Variants in ZNF853 observed in about 807,000 individuals in gnomAD.
ZNF853 encodes the protein zinc finger protein 853.
A neutral mutation model predicts 94.7 loss-of-function variants in ZNF853; 57 were observed. The observed-to-expected ratio is 0.60, with a 90% CI of 0.49 to 0.75. ZNF853 has a LOEUF of 0.75. Ranked by LOEUF, ZNF853 falls within the 30% of genes least tolerant of loss-of-function variation. The pLI is 0.00. For missense variants in ZNF853, 785 were observed against 868.9 expected, an observed-to-expected ratio of 0.90 and a Z score of 1.21; for synonymous variants, 448 against 406.3, an observed-to-expected ratio of 1.10 and a Z score of -1.23.
intron 2 of ZNF853, among the ~76,000 whole-genome samples, chr7:6,619,331 G>C: frequency 6.6e-6 from 1 of 152,032 alleles, no homozygotes; most frequent in Non-Finnish European, 1.5e-5. Flanking sequence ...GAGTGCACTG[G>C]CGTGATCTCA....
In ZNF853 at chr7:6,622,953, C is replaced by T. The variant is rs1782668331; in HGVS notation, c.1962C>T (p.Pro654=). The part of the protein sequence containing the change: ...RAEQAATATA[P]ADKAL ...AGCAGGCCGCTACAGCCACTGCGCCCGCAGACAAGGCGCTGTGAGGGCCGT... is the reference window on the plus strand; with the variant it reads ...AGCAGGCCGCTACAGCCACTGCGCCTGCAGACAAGGCGCTGTGAGGGCCGT... The change falls in exon 3 of 3, where the codon CCC becomes CCT. Residue 654 remains proline (P), a synonymous_variant. Coordinates refer to ENST00000457543, the MANE Select transcript of ZNF853 (RefSeq NM_017560.3). The T allele has an allele frequency of 6.4e-6, 8 of 1,251,996 alleles. No homozygotes were observed. The highest frequency in any genetic ancestry group is 6.7e-5 in the South Asian group (2 of 29,878). 77.6% of individuals were successfully genotyped at this position (1,251,996 alleles called of 1,614,324 possible). A position where few individuals can be genotyped will look rare whatever the true frequency, so the allele number is the denominator to read the frequency against.
At chr7:6,618,913 T>TC in intron 2 of ZNF853, among the ~76,000 whole-genome samples, 3 of 151,722 alleles carry the variant, frequency 2.0e-5, no homozygotes, top group Admixed American at 6.6e-5. Flanking sequence ...ACCATGTGCT[T>TC]CCCCCCAGCC....
At chr7:6,617,491 TG>T in intron 2 of ZNF853, 184 bp downstream of exon 2, 1 of 732,446 alleles carries the variant, frequency 1.4e-6, no homozygotes, top group Non-Finnish European at 1.7e-6. Flanking sequence ...GAGGCCAGGC[TG>T]GTGAGGGGCT....
chr7:6,617,134 T>G, intron 1 of ZNF853, 56 bp from the exon 2 acceptor site: 1 of 1,417,314 alleles, frequency 7.1e-7, no homozygotes, highest in East Asian at 2.6e-5. Context: ...TGTGGGCACC[T>G]GGCGGGGGTC....
Position 6,622,313 on chromosome 7 carries a change from TG to T in ZNF853, c.1324del (p.Val442TrpfsTer28). On this transcript the variant is annotated frameshift_variant, in exon 3 of 3. Coordinates refer to ENST00000457543, the MANE Select transcript of ZNF853 (RefSeq NM_017560.3). LOFTEE classifies it high-confidence loss of function. Reference sequence around the variant, plus strand: ...GTCGTGGTGGCTCCCCCGGGCTACGTGGTGGTGCAGGAGCTCATGGTGCTGC... The same window carrying T: ...GTCGTGGTGGCTCCCCCGGGCTACGTGTGGTGCAGGAGCTCATGGTGCTGC... ...AAVVVAPPGY[V>X]VVQELMVLPA... 1 of 1,509,934 alleles carries T rather than the reference TG, an allele frequency of 6.6e-7. No homozygotes were observed. The highest frequency in any genetic ancestry group is 2.2e-5 in the Admixed American group (1 of 46,056). The allele number at this position is 1,509,934 out of a possible 1,614,324, so 93.5% of individuals were successfully genotyped here.
chr7:6,621,426 A>T lies in ZNF853; in HGVS notation c.435A>T (p.Glu145Asp). 1 of 1,551,782 alleles carries T rather than the reference A, an allele frequency of 6.4e-7. No homozygotes were observed. The highest frequency in any genetic ancestry group is 8.7e-7 in the Non-Finnish European group (1 of 1,147,010). The change falls in exon 3 of 3, where the codon GAA (glutamate) becomes GAT (aspartate). Residue 145 changes from glutamate (E) to aspartate (D), a missense_variant. By Grantham distance (45) the Glu-to-Asp change is conservative (BLOSUM62 2). Transcript: ENST00000457543. ...AACACCAATCCGTGCACCATCAGGA[A>T]CTGAAACCAGAACTGCAGCTAATGC... ...QEKHQSVHHQ[E>D]LKPELQLMHQ... is the part of the protein sequence containing the mutation.
chr7:6,616,289 G>T, intron 1 of ZNF853, 103 bp downstream of exon 1: 2 of 1,207,966 alleles, frequency 1.7e-6, no homozygotes, highest in South Asian at 2.9e-5. Flanking sequence ...AGAGGGGCCA[G>T]CTCTGCACGG....
intron 1 of ZNF853, among the ~76,000 whole-genome samples, chr7:6,616,522 C>T: frequency 6.6e-6 from 1 of 152,060 alleles, no homozygotes; most frequent in Non-Finnish European, 1.5e-5. Context: ...GGAGGATCGC[C>T]TGAGGCCAGG....
chr7:6,621,122 G>A lies in ZNF853; in HGVS notation c.131G>A (p.Gly44Asp), dbSNP rs542369862. The A allele has an allele frequency of 1.4e-6, 2 of 1,462,898 alleles. No individual in the cohort carries two copies. The highest frequency in any genetic ancestry group is 5.7e-5 in the Admixed American group (2 of 35,360). 90.6% of individuals were successfully genotyped at this position (1,462,898 alleles called of 1,614,324 possible). A position where few individuals can be genotyped will look rare whatever the true frequency, so the allele number is the denominator to read the frequency against. ...TGGCTTCCTGCCATTTCTTCCACAG[G>A]TGGCAGCGGTGGGAGCGAGAGTCAG... is the stretch of plus-strand genomic sequence containing the variant. ...DGGPGPDTLSGGSGGSESQEE... is the reference protein window; with the variant it reads ...DGGPGPDTLSDGSGGSESQEE... Residue 44 changes from glycine to aspartate, a missense_variant and splice_region_variant, in exon 3 of 3, where the codon GGT (glycine) becomes GAT (aspartate). By Grantham distance (94) the Gly-to-Asp change is moderately conservative (BLOSUM62 -1). Coordinates refer to ENST00000457543, the MANE Select transcript of ZNF853 (RefSeq NM_017560.3).
Position 6,622,337 on chromosome 7 carries a change from T to C in ZNF853, c.1346T>C (p.Leu449Pro). The C allele has an allele frequency of 6.8e-7, 1 of 1,472,742 alleles. No homozygotes were observed. The allele number at this position is 1,472,742 out of a possible 1,614,324, so 91.2% of individuals were successfully genotyped here. A position where few individuals can be genotyped will look rare whatever the true frequency, so the allele number is the denominator to read the frequency against. ...GYVVVQELMV[L>P]PAVAAPAVVA... The stretch of plus-strand genomic sequence containing the variant: ...GTGGTGGTGCAGGAGCTCATGGTGC[T>C]GCCCGCCGTGGCAGCGCCGGCCGTG... The change falls in exon 3 of 3, where the codon CTG becomes CCG. Residue 449 changes from leucine to proline, a missense_variant. Coordinates refer to ENST00000457543, the MANE Select transcript of ZNF853 (RefSeq NM_017560.3).
In ZNF853 at chr7:6,621,303, G is replaced by A. The variant is rs534009255; in HGVS notation, c.312G>A (p.Pro104=). 26 of 1,551,194 alleles carry A rather than the reference G, an allele frequency of 1.7e-5. No homozygotes were observed. Among genetic ancestry groups the A allele is most frequent in the East Asian group, 9.8e-5 (4 of 40,906 alleles). Residue 104 remains proline, a synonymous_variant, in exon 3 of 3, where the codon CCG becomes CCA. Coordinates refer to ENST00000457543, the MANE Select transcript of ZNF853 (RefSeq NM_017560.3). The part of the protein sequence containing the change: ...LEQQPEPQQQ[P]QHEQLQQPQP... ...AGCAGCCCGAGCCGCAGCAACAGCC[G>A]CAACACGAGCAGCTGCAACAGCCGC...
chr7:6,616,519 C>G, intron 1 of ZNF853, among the ~76,000 whole-genome samples: 1 of 152,114 alleles, frequency 6.6e-6, no homozygotes, highest in Non-Finnish European at 1.5e-5. Flanking sequence ...GCAGGAGGAT[C>G]GCCTGAGGCC....
At chr7:6,617,408 C>T in intron 2 of ZNF853, 101 bp downstream of exon 2, 16 of 1,011,512 alleles carry the variant, frequency 1.6e-5, no homozygotes, top group Non-Finnish European at 2.0e-5. Flanking sequence ...TCACACCAGC[C>T]AACCTCAGCT....
Position 6,617,192 on chromosome 7 carries a change from G to C in ZNF853, c.15G>C (p.Pro5=). The C allele has an allele frequency of 6.5e-7, 1 of 1,542,408 alleles. No homozygotes were observed. Among genetic ancestry groups the C allele is most frequent in the Non-Finnish European group, 8.7e-7 (1 of 1,143,490 alleles). ...CTGCTTCCTTCCTTTCAGCACAGCC[G>C]ACTCCCGGGAATCGGGGTCTGACCG... MLHQ[P]TPGNRGLTAR... Residue 5 remains proline, a splice_region_variant and synonymous_variant, in exon 2 of 3, where the codon CCG becomes CCC. Transcript: ENST00000457543.
In ZNF853 at chr7:6,615,632, C is replaced by T. The variant is rs1338006105; in HGVS notation, c.-543C>T. On this transcript the variant is annotated 5_prime_UTR_variant, in exon 1 of 3. Coordinates refer to ENST00000457543, the MANE Select transcript of ZNF853 (RefSeq NM_017560.3). This position sits in a 1 kb window ranked among gnomAD's most constrained non-coding sequence, Gnocchi z 8.5. The stretch of plus-strand genomic sequence containing the variant: ...CCCGCCCCCGGCCCGGCCAGCGGCC[C>T]GCACGGACGCACTCCCGGGCGGGCG... 1 of 145,682 alleles carries T rather than the reference C, an allele frequency of 6.9e-6. No individual in the cohort carries two copies. The highest frequency in any genetic ancestry group is 2.5e-5 in the African/African-American group (1 of 40,642). 9.0% of individuals were successfully genotyped at this position (145,682 alleles called of 1,614,324 possible).
chr7:6,616,080 C>T lies in ZNF853; in HGVS notation c.-95C>T. 3.1e-6 allele frequency: 4 copies of T among 1,296,018 alleles called. No individual in the cohort carries two copies. Among genetic ancestry groups the T allele is most frequent in the East Asian group, 2.6e-5 (1 of 38,084 alleles). The allele number at this position is 1,296,018 out of a possible 1,614,324, so 80.3% of individuals were successfully genotyped here. A position where few individuals can be genotyped will look rare whatever the true frequency, so the allele number is the denominator to read the frequency against. On this transcript the variant is annotated 5_prime_UTR_variant, in exon 1 of 3. Coordinates refer to ENST00000457543, the MANE Select transcript of ZNF853 (RefSeq NM_017560.3). ...CCTCCTGGCTCTTTCTGGATGGAGG[C>T]GCCTCCGGAAGGAGCCGGCTGCACG...
At position 6,623,294 on chromosome 7, in the gene ZNF853, A is replaced by C; in HGVS notation, c.*323A>C. The C allele has an allele frequency of 5.0e-6, 2 of 397,884 alleles. No individual in the cohort carries two copies. The highest frequency in any genetic ancestry group is 7.1e-5 in the East Asian group (2 of 28,004). The allele number at this position is 397,884 out of a possible 1,614,324, so 24.6% of individuals were successfully genotyped here. ...CTGGACTTACTACGAACGAGGAAAAACCCCCAGTGGCGAGACGATTAATGA... is the reference window on the plus strand; with the variant it reads ...CTGGACTTACTACGAACGAGGAAAACCCCCCAGTGGCGAGACGATTAATGA... On this transcript the variant is annotated 3_prime_UTR_variant, in exon 3 of 3. Coordinates refer to ENST00000457543, the MANE Select transcript of ZNF853 (RefSeq NM_017560.3).
chr7:6,622,381 G>T lies in ZNF853; in HGVS notation c.1390G>T (p.Ala464Ser), dbSNP rs1450969820. The change falls in exon 3 of 3, where the codon GCA becomes TCA. Residue 464 changes from alanine (A) to serine (S), a missense_variant. By Grantham distance (99) the Ala-to-Ser change is moderately conservative (BLOSUM62 1). Coordinates refer to ENST00000457543, the MANE Select transcript of ZNF853 (RefSeq NM_017560.3). ...GGCCGTGGTGGCCATCCCGGGCCCG[G>T]CAGGCAGCGCGGCGTTGACCCCTGC... Reference protein sequence around the residue: ...APAVVAIPGPAGSAALTPARQ... With the variant: ...APAVVAIPGPSGSAALTPARQ... 1.6e-5 allele frequency: 22 copies of T among 1,395,238 alleles called. No individual in the cohort carries two copies. The East Asian group carries it at 6.8e-4, about 43-fold the overall frequency. The allele number at this position is 1,395,238 out of a possible 1,614,324, so 86.4% of individuals were successfully genotyped here. A position where few individuals can be genotyped will look rare whatever the true frequency, so the allele number is the denominator to read the frequency against.
intron 2 of ZNF853, among the ~76,000 whole-genome samples, chr7:6,620,604 T>C: frequency 6.6e-6 from 1 of 151,738 alleles, no homozygotes; most frequent in Admixed American, 6.6e-5. Flanking sequence ...CTTCTTCCTT[T>C]CTTTCTCTCT....
Sources: allele counts gnomAD v4.1 joint callset (sites outside exome capture counted in the v4.1 genomes callset), GRCh38; gene constraint gnomAD v4.1.1; non-coding constraint Gnocchi (gnomAD v3.1); transcripts MANE v1.5; gene names NCBI Gene and HGNC (gene_info 2026-07-23, HGNC 2026-07-21).